Variants in FMN2 observed in about 807,000 individuals in gnomAD.
The protein encoded by FMN2 is formin-2.
A neutral mutation model predicts 142.3 loss-of-function variants in FMN2; 51 were observed. That is an observed-to-expected ratio of 0.36 (90% CI 0.29 to 0.45). The LOEUF is 0.45. FMN2 is among the 20% of genes least tolerant of loss of function. FMN2 has a pLI of 1.00. For missense variants in FMN2, 1,936 were observed against 2,122.8 expected (o/e 0.91, Z 1.73); for synonymous variants, 882 against 869.8 (o/e 1.01, Z -0.25).
chr1:240,414,397 G>A (rs1674511193), intron 15 of FMN2, among the ~76,000 whole-genome samples: 1 of 152,214 alleles, frequency 6.6e-6, no homozygotes, highest in Non-Finnish European at 1.5e-5. Context: ...GTGGAGTGCG[G>A]TAGCACAGAG....
At chr1:240,098,097 A>ATTTTTTTTTT (rs35191164) in intron 1 of FMN2, among the ~76,000 whole-genome samples, 31 of 98,654 alleles carry the variant, frequency 3.1e-4, no homozygotes, top group South Asian at 6.8e-4. Context: ...GTTATCTTGA[A>ATTTTTTTTTT]TTTTTTTTTT....
intron 15 of FMN2, among the ~76,000 whole-genome samples, chr1:240,422,098 T>C (rs552570496): frequency 6.6e-6 from 1 of 152,308 alleles, no homozygotes; most frequent in East Asian, 1.9e-4. Context: ...TGTTCTACAG[T>C]TTCATTGATC....
intron 4 of FMN2, among the ~76,000 whole-genome samples, chr1:240,203,575 A>G (rs766995099): frequency 6.6e-6 from 1 of 152,160 alleles, no homozygotes; most frequent in Non-Finnish European, 1.5e-5. Flanking sequence ...ATCAAACACC[A>G]CATGTTCTCA....
At chr1:240,121,012 T>A (rs373312000) in intron 1 of FMN2, among the ~76,000 whole-genome samples, 4 of 152,208 alleles carry the variant, frequency 2.6e-5, no homozygotes, top group African/African-American at 4.8e-5. Flanking sequence ...ACAAAAAAAA[T>A]TAGCTGGACA....
chr1:240,132,076 G>A (rs1470520022), intron 2 of FMN2, among the ~76,000 whole-genome samples: 1 of 152,198 alleles, frequency 6.6e-6, no homozygotes, highest in African/African-American at 2.4e-5. Flanking sequence ...CATTTGATTG[G>A]ATGTGAGGAA....
chr1:240,178,136 A>G, intron 3 of FMN2, 68 bp downstream of exon 3: 3 of 1,375,958 alleles, frequency 2.2e-6, no homozygotes, highest in African/African-American at 1.5e-5. Context: ...GTTTTATTAA[A>G]TCTTAGTTTT....
intron 15 of FMN2, among the ~76,000 whole-genome samples, chr1:240,414,278 C>G (rs997055080): frequency 6.6e-6 from 1 of 152,178 alleles, no homozygotes. Flanking sequence ...CCAGCTGGCT[C>G]TCCCCATGTT....
chr1:240,439,081 T>C (rs1675507985), intron 16 of FMN2, among the ~76,000 whole-genome samples: 1 of 151,814 alleles, frequency 6.6e-6, no homozygotes, highest in African/African-American at 2.4e-5. Context: ...AAGACCAGCC[T>C]GGCAAACTTG....
chr1:240,282,944 A>T (rs1669451324), intron 7 of FMN2, among the ~76,000 whole-genome samples: 1 of 152,196 alleles, frequency 6.6e-6, no homozygotes, highest in South Asian at 2.1e-4. Flanking sequence ...GTAACTGCCC[A>T]GGTGTGCAGA....
intron 14 of FMN2, among the ~76,000 whole-genome samples, chr1:240,373,364 CAATT>C (rs1316014948): frequency 6.6e-6 from 1 of 152,174 alleles, no homozygotes; most frequent in African/African-American, 2.4e-5. Flanking sequence ...TGTGCTGAAT[CAATT>C]GATTCTTCTT....
At position 240,341,753 on chromosome 1, in the gene FMN2, T is replaced by A. The variant is rs1348795486; in HGVS notation, c.4765+7524T>A. Among the ~76,000 whole-genome samples, 3 of 152,210 alleles carry A rather than the reference T, an allele frequency of 2.0e-5. No homozygotes were observed. In the South Asian group the frequency reaches 6.2e-4, roughly 32 times the overall value. On this transcript the variant is annotated intron_variant, in intron 13 of 17. Transcript: ENST00000319653. The stretch of plus-strand genomic sequence containing the variant: ...CCTGCCTTTGGTACCCAAGTCACAA[T>A]CAAAGCTTCTAGCAGCAGCATAGAG...
At chr1:240,123,025 C>T (rs936821349) in intron 1 of FMN2, among the ~76,000 whole-genome samples, 154 bp from the exon 2 acceptor site, 2 of 152,186 alleles carry the variant, frequency 1.3e-5, no homozygotes, top group Admixed American at 6.5e-5. Flanking sequence ...GACTACAGAG[C>T]TTTCTCCTAG....
chr1:240,146,976 A>G (rs1297467955), intron 2 of FMN2, among the ~76,000 whole-genome samples: 3 of 152,300 alleles, frequency 2.0e-5, no homozygotes, highest in Admixed American at 6.5e-5. Context: ...AAGGTGGAAG[A>G]CGGGGCAATT....
chr1:240,152,846 C>G (rs1346573704), intron 2 of FMN2, among the ~76,000 whole-genome samples: 2 of 152,288 alleles, frequency 1.3e-5, no homozygotes, highest in East Asian at 1.9e-4. Context: ...TTACTCAGAG[C>G]CATCAGTGAT....
intron 2 of FMN2, among the ~76,000 whole-genome samples, chr1:240,142,409 TG>T (rs1246820906): frequency 2.6e-5 from 4 of 152,170 alleles, no homozygotes; most frequent in Non-Finnish European, 4.4e-5. Flanking sequence ...TTACTGAAGA[TG>T]GATGGACAAG....
intron 7 of FMN2, among the ~76,000 whole-genome samples, chr1:240,265,564 AT>A (rs1193960520): frequency 6.8e-4 from 104 of 152,202 alleles, no homozygotes; most frequent in Admixed American, 1.8e-3. Flanking sequence ...TGGCACCTTG[AT>A]CTTAGACTTC....
At chr1:240,465,613 A>G (rs1307952717) in intron 16 of FMN2, among the ~76,000 whole-genome samples, 1 of 152,066 alleles carries the variant, frequency 6.6e-6, no homozygotes. Context: ...ATGCTGGGAG[A>G]TTCCATAGGC....
rs1676924001 is a variant in FMN2, at chr1:240,474,848, G to T, written c.*694G>T. 1 of 152,548 alleles carries T rather than the reference G, an allele frequency of 6.6e-6. No homozygotes were observed. The highest frequency in any genetic ancestry group is 1.5e-5 in the Non-Finnish European group (1 of 68,020). The allele number at this position is 152,548 out of a possible 1,614,324, so 9.4% of individuals were successfully genotyped here. ...AAGTTATAGTTGTGGATAAAGGGGA[G>T]AATTTATTGCTCTTGCAAACCAATT... On this transcript the variant is annotated 3_prime_UTR_variant, in exon 18 of 18. Coordinates refer to ENST00000319653, the MANE Select transcript of FMN2 (RefSeq NM_020066.5).
At chr1:240,320,271 G>A (rs1051950236) in intron 8 of FMN2, among the ~76,000 whole-genome samples, 4 of 152,166 alleles carry the variant, frequency 2.6e-5, no homozygotes, top group African/African-American at 4.8e-5. Context: ...AAGACTGGGG[G>A]AGAGGGAAGG....
Sources: allele counts gnomAD v4.1 joint callset (sites outside exome capture counted in the v4.1 genomes callset), GRCh38; gene constraint gnomAD v4.1.1; transcripts MANE v1.5; gene names NCBI Gene and HGNC (gene_info 2026-07-23, HGNC 2026-07-21).